CACNA1C: variants seen among roughly 807,000 people sequenced by gnomAD.
The protein encoded by CACNA1C is voltage-dependent L-type calcium channel subunit alpha-1C.
Under a neutral mutation model 229.0 loss-of-function variants are expected in CACNA1C, and 30 were observed. The ratio of observed to expected loss-of-function variants is 0.13; its 90% CI spans 0.10 to 0.18. The LOEUF is 0.18. Ranked by LOEUF, CACNA1C falls within the 10% of genes least tolerant of loss-of-function variation. The pLI is 1.00. For synonymous variants in CACNA1C, 1,114 were observed against 1,132.5 expected, an observed-to-expected ratio of 0.98 and a Z score of 0.33; for missense variants, 1,658 against 2,845.0, an observed-to-expected ratio of 0.58 and a Z score of 9.49.
chr12:2,491,962 T>TTCTCTC lies in CACNA1C; in HGVS notation c.917-1198_917-1193dup, dbSNP rs57394200. ...CTCTAAATGAAGAACTATAAGCAAA[T>TTCTCTC]TCTCTCTCTCTCTCTCTCTCTCTCT... On this transcript the variant is annotated intron_variant, in intron 6 of 46. Coordinates refer to ENST00000399655, the MANE Select transcript of CACNA1C (RefSeq NM_000719.7). Among the ~76,000 whole-genome samples the TTCTCTC allele has an allele frequency of 3.7e-3, 543 of 147,240 alleles. 5 individuals are homozygous for TTCTCTC. The highest frequency in any genetic ancestry group is 7.1e-3 in the East Asian group (35 of 4,936).
chr12:2,295,844 C>T lies in CACNA1C; in HGVS notation c.478-153132C>T, dbSNP rs567882644. Among the ~76,000 whole-genome samples, 3 of 152,334 alleles carry T rather than the reference C, an allele frequency of 2.0e-5. No individual in the cohort carries two copies. In the East Asian group the frequency reaches 5.8e-4, roughly 29 times the overall value. ...AGTGGGCCAGTGTTCTGCTTCTTGG[C>T]CCACACTCCCAACCTCTCAACATGT... On this transcript the variant is annotated intron_variant, in intron 3 of 46. Transcript: ENST00000399655.
chr12:2,306,179 G>A (rs919995465), intron 3 of CACNA1C, among the ~76,000 whole-genome samples: 5 of 152,346 alleles, frequency 3.3e-5, no homozygotes, highest in Admixed American at 2.6e-4. Context: ...CAGCCTGCTA[G>A]GATGTGAAGG....
Position 2,140,445 on chromosome 12 carries a change from C to T in CACNA1C, c.477+20015C>T, listed in dbSNP as rs140087843. Among the ~76,000 whole-genome samples the T allele has an allele frequency of 2.2e-3, 336 of 151,474 alleles. 6 individuals are homozygous for T. The highest frequency in any genetic ancestry group is 7.7e-3 in the African/African-American group (319 of 41,510). ...GAATATGTGAAGAAGAGAAGCTGTT[C>T]ATGGACTAGGGATTCTGGCAAGGTG... On this transcript the variant is annotated intron_variant, in intron 3 of 46. Transcript: ENST00000399655.
In CACNA1C at chr12:2,651,474, A is replaced by T; in HGVS notation, c.3946-166A>T. 1.1e-6 allele frequency: 1 copy of T among 929,296 alleles called. No homozygotes were observed. The highest frequency in any genetic ancestry group is 1.7e-6 in the Non-Finnish European group (1 of 594,500). The allele number at this position is 929,296 out of a possible 1,614,324, so 57.6% of individuals were successfully genotyped here. A position where few individuals can be genotyped will look rare whatever the true frequency, so the allele number is the denominator to read the frequency against. On this transcript the variant is annotated intron_variant, in intron 31 of 46. Transcript: ENST00000399655. The surrounding 1 kb of genome is among the most constrained non-coding windows in gnomAD (Gnocchi z 5.4). Reference sequence around the variant, plus strand: ...GACCATGGGGCTGGGCTGTCCACTCATTAAAGTGGGCGGCCGCCCTCCCAT... The same window carrying T: ...GACCATGGGGCTGGGCTGTCCACTCTTTAAAGTGGGCGGCCGCCCTCCCAT...
At chr12:1,986,918 T>C (rs1214379288) in intron 1 of CACNA1C, among the ~76,000 whole-genome samples, 2 of 152,186 alleles carry the variant, frequency 1.3e-5, no homozygotes, top group African/African-American at 4.8e-5. Context: ...TTTTGGATGA[T>C]GCCAGAAGTT....
At chr12:2,110,971 C>CCGAGAGGCCACACCTGTCTCACT (rs2081459430) in intron 1 of CACNA1C, among the ~76,000 whole-genome samples, 1 of 152,076 alleles carries the variant, frequency 6.6e-6, no homozygotes, top group Non-Finnish European at 1.5e-5. Flanking sequence ...CCTGTCTCAC[C>CCGAGAGGCCACACCTGTCTCACT]CGAGAGGCCA....
At chr12:2,017,885 G>T (rs1413291903) in intron 1 of CACNA1C, among the ~76,000 whole-genome samples, 1 of 152,132 alleles carries the variant, frequency 6.6e-6, no homozygotes, top group Non-Finnish European at 1.5e-5. Flanking sequence ...TGGCTTGAAG[G>T]CAGTAGCACC....
At chr12:2,589,023 G>A (rs1340201529) in intron 18 of CACNA1C, among the ~76,000 whole-genome samples, 2 of 152,166 alleles carry the variant, frequency 1.3e-5, no homozygotes, top group Non-Finnish European at 2.9e-5. Context: ...TGAGCTTTGA[G>A]TCAGGGAGTT....
chr12:2,513,069 A>G lies in CACNA1C; in HGVS notation c.1390+85A>G, dbSNP rs200004056. ...GGGTCAGCACAGAACTTTGACCGCC[A>G]CCCTTTCTTAGAAGCCCACGGGGTG... On this transcript the variant is annotated intron_variant, in intron 9 of 46. Coordinates refer to ENST00000399655, the MANE Select transcript of CACNA1C (RefSeq NM_000719.7). The G allele has an allele frequency of 1.8e-4, 214 of 1,158,130 alleles. 1 individual carries two copies. In the East Asian group the frequency reaches 5.5e-3, roughly 30 times the overall value. The allele number at this position is 1,158,130 out of a possible 1,614,324, so 71.7% of individuals were successfully genotyped here.
At chr12:2,294,308 C>T (rs763155096) in intron 3 of CACNA1C, among the ~76,000 whole-genome samples, 10 of 152,096 alleles carry the variant, frequency 6.6e-5, no homozygotes, top group Non-Finnish European at 1.2e-4. Flanking sequence ...GAAGGAAGAG[C>T]GTGGCCCATA....
chr12:2,602,003 C>A lies in CACNA1C; in HGVS notation c.2960+43C>A. ...AGCCCACGATGGGCCATGCAGCTAG[C>A]AAGGGGTGCCAGAGAGGACAACCAG... On this transcript the variant is annotated intron_variant, in intron 22 of 46. Transcript: ENST00000399655. The surrounding 1 kb of genome is among the most constrained non-coding windows in gnomAD (Gnocchi z 4.4). 7.6e-7 allele frequency: 1 copy of A among 1,310,008 alleles called. No individual in the cohort carries two copies. Among genetic ancestry groups the A allele is most frequent in the Non-Finnish European group, 1.1e-6 (1 of 902,832 alleles). 81.1% of individuals were successfully genotyped at this position (1,310,008 alleles called of 1,614,324 possible).
At chr12:2,162,112 G>A (rs1365675513) in intron 3 of CACNA1C, among the ~76,000 whole-genome samples, 1 of 152,144 alleles carries the variant, frequency 6.6e-6, no homozygotes, top group Non-Finnish European at 1.5e-5. Flanking sequence ...GGGGTTCAGG[G>A]TTTAGTTTTG....
Position 2,319,265 on chromosome 12 carries a change from G to C in CACNA1C, c.478-129711G>C, listed in dbSNP as rs777974680. ...GATGTGTAGTGTACATGGGGGCGGC[G>C]TGCATGGTGGGTGGCCTGTGGGGGC... On this transcript the variant is annotated intron_variant, in intron 3 of 46. Coordinates refer to ENST00000399655, the MANE Select transcript of CACNA1C (RefSeq NM_000719.7). This position sits in a 1 kb window ranked among gnomAD's most constrained non-coding sequence, Gnocchi z 4.0. 6.6e-6 allele frequency among the ~76,000 whole-genome samples: 1 copy of C among 151,990 alleles called. No homozygotes were observed. Among genetic ancestry groups the C allele is most frequent in the African/African-American group, 2.4e-5 (1 of 41,360 alleles).
chr12:2,697,365 A>G lies in CACNA1C; in HGVS notation c.*6166A>G, dbSNP rs2097849790. On this transcript the variant is annotated 3_prime_UTR_variant, in exon 47 of 47. Coordinates refer to ENST00000399655, the MANE Select transcript of CACNA1C (RefSeq NM_000719.7). Reference sequence around the variant, plus strand: ...AACCCATGGCAAAACACGCACATTCATTAAGAAATAGGGCGACAGATTCCC... The same window carrying G: ...AACCCATGGCAAAACACGCACATTCGTTAAGAAATAGGGCGACAGATTCCC... 6.6e-6 allele frequency: 1 copy of G among 152,226 alleles called. No homozygotes were observed. The highest frequency in any genetic ancestry group is 2.1e-4 in the South Asian group (1 of 4,836). The allele number at this position is 152,226 out of a possible 1,614,324, so 9.4% of individuals were successfully genotyped here. A position where few individuals can be genotyped will look rare whatever the true frequency, so the allele number is the denominator to read the frequency against.
intron 3 of CACNA1C, among the ~76,000 whole-genome samples, chr12:2,386,604 G>A (rs1174711852): frequency 6.6e-6 from 1 of 152,154 alleles, no homozygotes; most frequent in East Asian, 1.9e-4. Context: ...TCCTGTGTGA[G>A]CTCTTCCTAT....
At chr12:2,383,056 C>A (rs943437701) in intron 3 of CACNA1C, among the ~76,000 whole-genome samples, 5 of 152,176 alleles carry the variant, frequency 3.3e-5, no homozygotes, top group African/African-American at 1.2e-4. Context: ...ATCCTGGATT[C>A]AAGTCCCAGC....
intron 7 of CACNA1C, among the ~76,000 whole-genome samples, chr12:2,502,661 A>G (rs1045756668): frequency 6.6e-6 from 1 of 152,206 alleles, no homozygotes; most frequent in Non-Finnish European, 1.5e-5. Context: ...TGTAAAGAAC[A>G]TATTGGGATG....
At chr12:2,118,817 TG>T (rs1197021887) in intron 2 of CACNA1C, among the ~76,000 whole-genome samples, 1 of 152,210 alleles carries the variant, frequency 6.6e-6, no homozygotes, top group East Asian at 1.9e-4. Flanking sequence ...TATGCCAGCT[TG>T]GGGTCTTGGA....
chr12:1,996,904 C>T (rs1034103696), intron 1 of CACNA1C, among the ~76,000 whole-genome samples: 1 of 152,128 alleles, frequency 6.6e-6, no homozygotes, highest in African/African-American at 2.4e-5. Flanking sequence ...TGTGTATTTC[C>T]TGTCTCCCCA....
Sources: allele counts gnomAD v4.1 joint callset (sites outside exome capture counted in the v4.1 genomes callset), GRCh38; gene constraint gnomAD v4.1.1; non-coding constraint Gnocchi (gnomAD v3.1); transcripts MANE v1.5; gene names NCBI Gene and HGNC (gene_info 2026-07-23, HGNC 2026-07-21).